FYB1: variants seen among roughly 807,000 people sequenced by gnomAD.
The protein encoded by FYB1 is FYN-binding protein 1.
Under a neutral mutation model 94.1 loss-of-function variants are expected in FYB1, and 41 were observed. That is an observed-to-expected ratio of 0.44 (90% confidence interval 0.34 to 0.57). FYB1 has a LOEUF of 0.57. Ranked by LOEUF, FYB1 falls within the 20% of genes least tolerant of loss-of-function variation. The probability of loss-of-function intolerance (pLI) is 0.02; values close to 1 mark genes in which losing one functional copy is unlikely to be tolerated. For missense variants in FYB1, 1,050 were observed against 976.8 expected (o/e 1.07, Z -1.00); for synonymous variants, 367 against 353.2 (o/e 1.04, Z -0.44).
intron 14 of FYB1, among the ~76,000 whole-genome samples, chr5:39,121,345 G>A (rs934601437): frequency 6.6e-6 from 1 of 151,686 alleles, no homozygotes; most frequent in South Asian, 2.1e-4. Context: ...TATTTGTTTT[G>A]CCTGTGGAAC....
chr5:39,245,760 A>C (rs1161796495), intron 1 of FYB1, among the ~76,000 whole-genome samples: 1 of 152,026 alleles, frequency 6.6e-6, no homozygotes, highest in Admixed American at 6.6e-5. Flanking sequence ...CACTACAACC[A>C]GCTAGTTTTT....
At chr5:39,191,933 T>C (rs1302701355) in intron 2 of FYB1, among the ~76,000 whole-genome samples, 2 of 152,200 alleles carry the variant, frequency 1.3e-5, no homozygotes, top group Non-Finnish European at 2.9e-5. Flanking sequence ...TTCATTTTGT[T>C]TTCAAAACAA....
rs1484744749 is a variant in FYB1, at chr5:39,152,922, C to T, written c.1292+526G>A. On this transcript the variant is annotated intron_variant, in intron 3 of 18. Coordinates refer to ENST00000512982, the MANE Select transcript of FYB1 (RefSeq NM_001465.6). ...GACTACATTGGTTGAAATTTTTATT[C>T]TACACTATTTTGTGGTCTTGGAGAA... Among the ~76,000 whole-genome samples the T allele has an allele frequency of 1.5e-4, 23 of 152,328 alleles. No homozygotes were observed. In the South Asian group the frequency reaches 3.7e-3, roughly 25 times the overall value.
intron 14 of FYB1, among the ~76,000 whole-genome samples, chr5:39,120,700 A>G (rs1740010572): frequency 6.6e-6 from 1 of 152,146 alleles, no homozygotes; most frequent in Admixed American, 6.6e-5. Context: ...AAAAATTAGA[A>G]TATATTAATT....
intron 1 of FYB1, among the ~76,000 whole-genome samples, chr5:39,217,363 C>A (rs1749946111): frequency 6.6e-6 from 1 of 152,188 alleles, no homozygotes; most frequent in Admixed American, 6.5e-5. Context: ...TCCAGGTTCA[C>A]ACAGTTGGGC....
intron 1 of FYB1, among the ~76,000 whole-genome samples, chr5:39,246,685 C>A (rs181602608): frequency 6.6e-6 from 1 of 152,134 alleles, no homozygotes; most frequent in African/African-American, 2.4e-5. Context: ...GAGAACAAGT[C>A]CAGGTTAGAC....
chr5:39,145,807 C>T (rs1742592119), intron 3 of FYB1, among the ~76,000 whole-genome samples: 1 of 152,018 alleles, frequency 6.6e-6, no homozygotes, highest in Admixed American at 6.6e-5. Flanking sequence ...TCTGAACTCT[C>T]TCTGGTTTCT....
At chr5:39,206,060 C>T (rs894062496) in intron 1 of FYB1, among the ~76,000 whole-genome samples, 8 of 152,050 alleles carry the variant, frequency 5.3e-5, no homozygotes, top group East Asian at 1.9e-4. Context: ...ATGTTATGTC[C>T]GAATTTTAAA....
intron 12 of FYB1, among the ~76,000 whole-genome samples, chr5:39,124,603 G>C (rs1419238305): frequency 1.3e-5 from 2 of 152,134 alleles, no homozygotes; most frequent in African/African-American, 2.4e-5. Flanking sequence ...TATCAAGCCA[G>C]AGTAAATGAA....
At chr5:39,179,229 C>T (rs1214246413) in intron 2 of FYB1, among the ~76,000 whole-genome samples, 1 of 152,120 alleles carries the variant, frequency 6.6e-6, no homozygotes, top group South Asian at 2.1e-4. Flanking sequence ...CAAAGTCTGG[C>T]AACTATGGAG....
intron 1 of FYB1, chr5:39,269,869 A>G (rs1276034572): frequency 2.0e-5 from 3 of 152,218 alleles, no homozygotes; most frequent in Non-Finnish European, 4.4e-5. Flanking sequence ...CTATACTCTG[A>G]GAGCATATGA....
At chr5:39,223,407 C>T (rs964742001), upstream of FYB1, among the ~76,000 whole-genome samples, 15 of 151,970 alleles carry the variant, frequency 9.9e-5, no homozygotes, top group African/African-American at 2.2e-4. Context: ...CTAAAGGAAA[C>T]CAGTAATGTA....
chr5:39,199,709 A>C (rs1319554507), intron 2 of FYB1, among the ~76,000 whole-genome samples: 1 of 152,226 alleles, frequency 6.6e-6, no homozygotes, highest in Non-Finnish European at 1.5e-5. Context: ...CTTCAGATGG[A>C]CATATAAGAA....
At chr5:39,159,835 A>T (rs533470494) in intron 2 of FYB1, among the ~76,000 whole-genome samples, 1 of 152,140 alleles carries the variant, frequency 6.6e-6, no homozygotes, top group African/African-American at 2.4e-5. Context: ...AGAAACATTC[A>T]CTAAGCACTT....
intron 16 of FYB1, among the ~76,000 whole-genome samples, chr5:39,115,347 C>T (rs539218219): frequency 5.9e-5 from 9 of 152,024 alleles, no homozygotes; most frequent in African/African-American, 1.2e-4. Context: ...CGCCCACCTC[C>T]GCCTCCCAAA....
At chr5:39,177,313 G>C (rs1477178833) in intron 2 of FYB1, among the ~76,000 whole-genome samples, 1 of 152,054 alleles carries the variant, frequency 6.6e-6, no homozygotes, top group African/African-American at 2.4e-5. Flanking sequence ...ATTTCCTTGG[G>C]GTAACTAACA....
chr5:39,170,763 G>A (rs558714494), intron 2 of FYB1, among the ~76,000 whole-genome samples: 1 of 152,132 alleles, frequency 6.6e-6, no homozygotes, highest in Admixed American at 6.5e-5. Flanking sequence ...ATTCCAAACT[G>A]TGACCTTCTG....
intron 1 of FYB1, among the ~76,000 whole-genome samples, chr5:39,205,095 A>T (rs937662807): frequency 2.6e-5 from 4 of 152,148 alleles, no homozygotes; most frequent in Non-Finnish European, 5.9e-5. Context: ...CGTCACTACA[A>T]GGGGCATAAT....
chr5:39,191,466 T>A (rs1747354026), intron 2 of FYB1, among the ~76,000 whole-genome samples: 1 of 152,196 alleles, frequency 6.6e-6, no homozygotes, highest in Non-Finnish European at 1.5e-5. Flanking sequence ...GGAAACCTCG[T>A]ATGGTTTTTG....
Sources: allele counts gnomAD v4.1 joint callset (sites outside exome capture counted in the v4.1 genomes callset), GRCh38; gene constraint gnomAD v4.1.1; transcripts MANE v1.5; gene names NCBI Gene and HGNC (gene_info 2026-07-23, HGNC 2026-07-21).